Variants in ZFAND3 observed in about 807,000 individuals in gnomAD.
ZFAND3 encodes the protein AN1-type zinc finger protein 3.
ZFAND3 carries 10 observed loss-of-function variants against 29.6 expected under a neutral mutation model. That is an observed-to-expected ratio of 0.34 (90% CI 0.21 to 0.57). The LOEUF is 0.57. Ranked by LOEUF, ZFAND3 falls within the 20% of genes least tolerant of loss-of-function variation. The pLI is 0.86. For missense variants in ZFAND3, 230 were observed against 304.5 expected, an observed-to-expected ratio of 0.76 and a Z score of 1.82; for synonymous variants, 128 against 112.6, an observed-to-expected ratio of 1.14 and a Z score of -0.87.
At chr6:37,868,591 A>G (rs1473891944) in intron 1 of ZFAND3, among the ~76,000 whole-genome samples, 1 of 152,208 alleles carries the variant, frequency 6.6e-6, no homozygotes, top group Non-Finnish European at 1.5e-5. Flanking sequence ...AGGAAGCCAA[A>G]AACCAAGCCA....
At chr6:38,117,594 T>C (rs1383180270) in intron 5 of ZFAND3, among the ~76,000 whole-genome samples, 1 of 152,136 alleles carries the variant, frequency 6.6e-6, no homozygotes, top group Non-Finnish European at 1.5e-5. Flanking sequence ...ATTATAAAAT[T>C]GTTTGAGGAC....
intron 1 of ZFAND3, among the ~76,000 whole-genome samples, chr6:37,887,695 A>T (rs1765021298): frequency 6.6e-6 from 1 of 152,194 alleles, no homozygotes; most frequent in Admixed American, 6.5e-5. Flanking sequence ...CTGTTAAATG[A>T]TTATTTTATG....
At chr6:38,093,324 C>G (rs1764910116) in intron 4 of ZFAND3, among the ~76,000 whole-genome samples, 1 of 152,130 alleles carries the variant, frequency 6.6e-6, no homozygotes, top group African/African-American at 2.4e-5. Flanking sequence ...AAGTATAAAT[C>G]TGGAGAACTG....
At chr6:37,880,757 G>A (rs189892615) in intron 1 of ZFAND3, among the ~76,000 whole-genome samples, 118 of 150,200 alleles carry the variant, frequency 7.9e-4, no homozygotes, top group African/African-American at 2.7e-3. Flanking sequence ...TGAAAAGTTC[G>A]TGATTAAATC....
chr6:38,018,569 G>A (rs1763290713), intron 2 of ZFAND3, among the ~76,000 whole-genome samples: 1 of 152,026 alleles, frequency 6.6e-6, no homozygotes, highest in African/African-American at 2.4e-5. Context: ...CACCTCTGCT[G>A]TGCCCTTTTC....
At chr6:37,845,047 T>C (rs892351824) in intron 1 of ZFAND3, among the ~76,000 whole-genome samples, 1 of 150,894 alleles carries the variant, frequency 6.6e-6, no homozygotes, top group African/African-American at 2.4e-5. Flanking sequence ...AAAGCAATTA[T>C]CATCTCTCAC....
At chr6:38,037,693 C>G (rs889567736) in intron 2 of ZFAND3, among the ~76,000 whole-genome samples, 2 of 152,194 alleles carry the variant, frequency 1.3e-5, no homozygotes, top group African/African-American at 4.8e-5. Flanking sequence ...ACATCCACGA[C>G]TAACTCCTTG....
At chr6:37,889,674 T>G (rs1361190963) in intron 1 of ZFAND3, among the ~76,000 whole-genome samples, 3 of 152,192 alleles carry the variant, frequency 2.0e-5, no homozygotes, top group Admixed American at 2.0e-4. Flanking sequence ...TGACTCCTCT[T>G]GGTGAGTCCT....
At chr6:37,838,137 CTCAGAT>C (rs1764003306) in intron 1 of ZFAND3, among the ~76,000 whole-genome samples, 2 of 152,138 alleles carry the variant, frequency 1.3e-5, no homozygotes, top group Non-Finnish European at 2.9e-5. Context: ...GAACTTCTGG[CTCAGAT>C]TTAGATGCAT....
intron 2 of ZFAND3, among the ~76,000 whole-genome samples, chr6:37,941,880 C>T (rs574468424): frequency 1.3e-5 from 2 of 152,258 alleles, no homozygotes; most frequent in African/African-American, 4.8e-5. Context: ...ATGGAAAAGC[C>T]TGTCCTTTGC....
At chr6:38,066,079 G>A (rs1020422752) in intron 3 of ZFAND3, among the ~76,000 whole-genome samples, 2 of 152,208 alleles carry the variant, frequency 1.3e-5, no homozygotes, top group Non-Finnish European at 2.9e-5. Flanking sequence ...TGGTTAACAG[G>A]CATGTCATTT....
chr6:37,976,622 T>G (rs1209255957), intron 2 of ZFAND3, among the ~76,000 whole-genome samples: 1 of 146,104 alleles, frequency 6.8e-6, no homozygotes, highest in Non-Finnish European at 1.5e-5. Flanking sequence ...TACCCGAGAC[T>G]GGGTAATTTA....
rs377723391 is a variant in ZFAND3, at chr6:38,098,803, A to G, written c.361+16346A>G. On this transcript the variant is annotated intron_variant, in intron 4 of 5. Coordinates refer to ENST00000287218, the MANE Select transcript of ZFAND3 (RefSeq NM_021943.3). ...AGGCATGAGCCACCGAGCCCGGCCT[A>G]TCTTAAACACAGTTAAAGTAAGTCC... 3.1e-4 allele frequency among the ~76,000 whole-genome samples: 47 copies of G among 152,282 alleles called. 1 individual carries two copies. The highest frequency in any genetic ancestry group is 2.5e-3 in the East Asian group (13 of 5,188).
intron 5 of ZFAND3, among the ~76,000 whole-genome samples, chr6:38,144,184 A>AATATATATATATATATATAAT (rs1766026183): frequency 7.1e-5 from 3 of 42,552 alleles, no homozygotes; most frequent in African/African-American, 3.1e-4. Context: ...ATATATATAT[A>AATATATATATATATATATAAT]ATATATATAT....
chr6:38,011,992 T>C (rs1763161927), intron 2 of ZFAND3, among the ~76,000 whole-genome samples: 1 of 152,186 alleles, frequency 6.6e-6, no homozygotes, highest in Non-Finnish European at 1.5e-5. Flanking sequence ...ATTAGACATT[T>C]GATAGTTGGG....
intron 2 of ZFAND3, chr6:38,003,786 G>C (rs1419168758): frequency 4.4e-6 from 2 of 450,878 alleles, no homozygotes; most frequent in African/African-American, 4.1e-5. Context: ...GATTACAGGC[G>C]AGAGCTACAG....
chr6:38,092,065 C>T (rs1187249133), intron 4 of ZFAND3, among the ~76,000 whole-genome samples: 1 of 152,168 alleles, frequency 6.6e-6, no homozygotes, highest in African/African-American at 2.4e-5. Context: ...GGTGGGCTGG[C>T]ATTTATTCCT....
At chr6:37,905,309 A>G (rs1765388707) in intron 1 of ZFAND3, among the ~76,000 whole-genome samples, 1 of 152,118 alleles carries the variant, frequency 6.6e-6, no homozygotes, top group African/African-American at 2.4e-5. Context: ...TTCATTCACT[A>G]GATCCTGGGG....
intron 1 of ZFAND3, among the ~76,000 whole-genome samples, chr6:37,899,826 C>T (rs2127400342): frequency 6.6e-6 from 1 of 152,286 alleles, no homozygotes; most frequent in East Asian, 1.9e-4. Flanking sequence ...AGTTCCATTA[C>T]CCCGAGGGCA....
Sources: gnomAD v4.1 joint callset for allele counts (sites outside exome capture counted in the v4.1 genomes callset) on GRCh38, gnomAD v4.1.1 for gene constraint, MANE v1.5 for transcripts, NCBI Gene and HGNC (gene_info 2026-07-23, HGNC 2026-07-21) for gene names.